Variants in TMEM108 observed in about 807,000 individuals in gnomAD.
TMEM108 encodes the protein transmembrane protein 108.
Under a neutral mutation model 35.1 loss-of-function variants are expected in TMEM108, and 12 were observed. The observed-to-expected ratio is 0.34, with a 90% confidence interval of 0.22 to 0.55. TMEM108 has a LOEUF of 0.55. Among genes scored for constraint, TMEM108 ranks in the 20% least tolerant of loss-of-function variants. The pLI is 0.89. For missense variants in TMEM108, 680 were observed against 753.3 expected, an observed-to-expected ratio of 0.90 and a Z score of 1.14; for synonymous variants, 287 against 308.6, an observed-to-expected ratio of 0.93 and a Z score of 0.73.
chr3:133,145,914 G>C (rs1486323888), intron 2 of TMEM108, among the ~76,000 whole-genome samples: 4 of 152,214 alleles, frequency 2.6e-5, no homozygotes, highest in African/African-American at 4.8e-5. Context: ...TCTGCAAACA[G>C]AGACAGTTTG....
chr3:133,378,315 C>G, intron 3 of TMEM108: 1 of 983,596 alleles, frequency 1.0e-6, no homozygotes, highest in Non-Finnish European at 1.2e-6. Context: ...GCCTGGAGAT[C>G]TCCTCCCCAT....
At chr3:133,181,161 G>A (rs1559859877) in intron 2 of TMEM108, among the ~76,000 whole-genome samples, 2 of 151,984 alleles carry the variant, frequency 1.3e-5, no homozygotes, top group South Asian at 4.2e-4. Flanking sequence ...CATCAGCCTC[G>A]TTATTGACAC....
chr3:133,106,175 GTTTTTTTT>G (rs745343008), intron 2 of TMEM108, among the ~76,000 whole-genome samples: 1 of 89,696 alleles, frequency 1.1e-5, no homozygotes, highest in South Asian at 4.4e-4. Context: ...GAGGTTAAAG[GTTTTTTTT>G]TTTTTTTTTT....
At chr3:133,312,305 G>C (rs2071140243) in intron 3 of TMEM108, among the ~76,000 whole-genome samples, 1 of 152,262 alleles carries the variant, frequency 6.6e-6, no homozygotes, top group Non-Finnish European at 1.5e-5. Context: ...AGAAGTTTCT[G>C]CTGTCTTTTG....
At chr3:133,110,352 T>G (rs1944210206) in intron 2 of TMEM108, among the ~76,000 whole-genome samples, 1 of 152,220 alleles carries the variant, frequency 6.6e-6, no homozygotes, top group African/African-American at 2.4e-5. Context: ...GTGCTGGCTA[T>G]GTGCGTCAGG....
chr3:133,362,935 A>C (rs2072396791), intron 3 of TMEM108, among the ~76,000 whole-genome samples: 1 of 152,146 alleles, frequency 6.6e-6, no homozygotes, highest in Admixed American at 6.5e-5. Context: ...CTTTAGATTA[A>C]AAAGGTGCAG....
chr3:133,137,952 A>T (rs978031790), intron 2 of TMEM108, among the ~76,000 whole-genome samples: 3 of 152,210 alleles, frequency 2.0e-5, no homozygotes, highest in Admixed American at 6.5e-5. Flanking sequence ...TTGCTTGAAC[A>T]AGCAGAATTT....
chr3:133,073,988 C>T (rs1943710360), intron 2 of TMEM108, among the ~76,000 whole-genome samples: 1 of 151,868 alleles, frequency 6.6e-6, no homozygotes, highest in Non-Finnish European at 1.5e-5. Context: ...AGGTCCTTTG[C>T]CCCCCATTTT....
intron 2 of TMEM108, among the ~76,000 whole-genome samples, chr3:133,186,438 C>G (rs944478342): frequency 1.3e-5 from 2 of 152,184 alleles, no homozygotes; most frequent in African/African-American, 4.8e-5. Flanking sequence ...AACGTGCCTA[C>G]AAAGCTGCGT....
At chr3:133,221,683 T>TTC (rs35454712) in intron 2 of TMEM108, among the ~76,000 whole-genome samples, 2 of 113,332 alleles carry the variant, frequency 1.8e-5, no homozygotes, top group African/African-American at 3.5e-5. Flanking sequence ...TTTTTTTTTT[T>TTC]CACTTTTGTG....
chr3:133,354,583 A>C (rs1219545243), intron 3 of TMEM108, among the ~76,000 whole-genome samples: 1 of 152,184 alleles, frequency 6.6e-6, no homozygotes. Flanking sequence ...GGTTTGGAGT[A>C]AGACAGACCT....
intron 3 of TMEM108, among the ~76,000 whole-genome samples, chr3:133,251,392 A>G (rs1366621358): frequency 1.3e-5 from 2 of 152,194 alleles, no homozygotes; most frequent in Non-Finnish European, 2.9e-5. Flanking sequence ...TAAGGTCTCT[A>G]AAGAGTTTCA....
At chr3:133,082,176 C>T (rs1943819955) in intron 2 of TMEM108, among the ~76,000 whole-genome samples, 1 of 152,212 alleles carries the variant, frequency 6.6e-6, no homozygotes, top group South Asian at 2.1e-4. Flanking sequence ...TATTTGAGTG[C>T]CTGCTTTGTG....
At chr3:133,314,170 C>T (rs967126200) in intron 3 of TMEM108, among the ~76,000 whole-genome samples, 1 of 152,010 alleles carries the variant, frequency 6.6e-6, no homozygotes, top group Non-Finnish European at 1.5e-5. Flanking sequence ...GATAAATGAA[C>T]ATCTTGAAAG....
chr3:133,078,114 G>A (rs7429887), intron 2 of TMEM108, among the ~76,000 whole-genome samples: 73,819 of 143,760 alleles, frequency 0.51, 18,624 homozygotes, highest in African/African-American at 0.64. Context: ...ATGTTTTGGC[G>A]AAAAATGGTG....
intron 2 of TMEM108, among the ~76,000 whole-genome samples, chr3:133,191,770 G>T (rs186685074): frequency 1.1e-4 from 17 of 152,260 alleles, no homozygotes; most frequent in South Asian, 2.1e-4. Context: ...AATCAGATTG[G>T]ATTTTTAGAA....
At chr3:133,338,421 G>A (rs145252855) in intron 3 of TMEM108, among the ~76,000 whole-genome samples, 4,613 of 152,062 alleles carry the variant, frequency 0.03, 90 homozygotes, top group Middle Eastern at 0.054. Flanking sequence ...AGTACTGAAG[G>A]AAAAAACTTT....
chr3:133,130,160 C>T (rs973828381), intron 2 of TMEM108, among the ~76,000 whole-genome samples: 2 of 151,946 alleles, frequency 1.3e-5, no homozygotes, highest in African/African-American at 4.8e-5. Flanking sequence ...TTTAAGAAAT[C>T]CTGTTGTTTG....
At chr3:133,186,831 TGCA>T (rs1270861673) in intron 2 of TMEM108, among the ~76,000 whole-genome samples, 14 of 152,154 alleles carry the variant, frequency 9.2e-5, no homozygotes, top group Admixed American at 2.0e-4. Context: ...GAGTTTAACA[TGCA>T]AATTAATATA....
Sources: gnomAD v4.1 joint callset for allele counts (sites outside exome capture counted in the v4.1 genomes callset) on GRCh38, gnomAD v4.1.1 for gene constraint, MANE v1.5 for transcripts, NCBI Gene and HGNC (gene_info 2026-07-23, HGNC 2026-07-21) for gene names.